The following MYO7A variants were observed in gnomAD, a reference collection of about 807,000 sequenced individuals.
MYO7A encodes myosin VIIA, also known as unconventional myosin-VIIa.
Under a neutral mutation model 263.8 loss-of-function variants are expected in MYO7A, and 210 were observed. The ratio of observed to expected loss-of-function variants is 0.80; its 90% CI spans 0.71 to 0.89. MYO7A has a LOEUF of 0.89. Among genes scored for constraint, MYO7A ranks in the 40% least tolerant of loss-of-function variants. The probability of loss-of-function intolerance (pLI) is 0.00; values close to 1 mark genes in which losing one functional copy is unlikely to be tolerated. For synonymous variants in MYO7A, 1,239 were observed against 1,197.3 expected (o/e 1.03, Z -0.72); for missense variants, 2,820 against 2,968.3 (o/e 0.95, Z 1.16).
rs1954887106 is a variant in MYO7A, at chr11:77,178,632, G to A, written c.2283-413G>A. Among the ~76,000 whole-genome samples the A allele has an allele frequency of 2.6e-5, 4 of 152,326 alleles. No homozygotes were observed. The South Asian group carries it at 6.2e-4, about 24-fold the overall frequency. ...TATAGAAGCAGCCTGCTGTGTGCAGGGGGAACAGCACTGGGCTCACTTAGG... is the reference window on the plus strand; with the variant it reads ...TATAGAAGCAGCCTGCTGTGTGCAGAGGGAACAGCACTGGGCTCACTTAGG... On this transcript the variant is annotated intron_variant, in intron 19 of 48. Coordinates refer to ENST00000409709, the MANE Select transcript of MYO7A (RefSeq NM_000260.4).
intron 14 of MYO7A, among the ~76,000 whole-genome samples, chr11:77,164,582 A>G (rs1953357971): frequency 6.6e-6 from 1 of 152,164 alleles, no homozygotes; most frequent in Non-Finnish European, 1.5e-5. Context: ...GTGAGATCCA[A>G]CCTTATTGTT....
intron 22 of MYO7A, 28 bp downstream of exon 22, chr11:77,180,509 G>C (rs368112212): frequency 3.8e-6 from 6 of 1,591,036 alleles, no homozygotes; most frequent in Non-Finnish European, 5.2e-6. Context: ...AGGCACCTTA[G>C]GTGTCCACTT....
intron 39 of MYO7A, 90 bp downstream of exon 39, chr11:77,204,319 C>A: frequency 6.7e-7 from 1 of 1,489,124 alleles, no homozygotes; most frequent in Non-Finnish European, 9.1e-7. Context: ...CTGGCTCTGC[C>A]TGGATGCAGT....
Position 77,177,545 on chromosome 11 carries a change from C to A in MYO7A, c.2188-4C>A. ...GGGCGCTGCTCAGGAGCTCTGCCTC[C>A]TAGGACCACCATGACATGCTGCTGG... On this transcript the variant is annotated splice_polypyrimidine_tract_variant and splice_region_variant and intron_variant, in intron 18 of 48. Coordinates refer to ENST00000409709, the MANE Select transcript of MYO7A (RefSeq NM_000260.4). 6.2e-7 allele frequency: 1 copy of A among 1,608,170 alleles called. No homozygotes were observed. Among genetic ancestry groups the A allele is most frequent in the Non-Finnish European group, 8.5e-7 (1 of 1,177,764 alleles).
chr11:77,203,267 C>A lies in MYO7A; in HGVS notation c.5326+50C>A, dbSNP rs772257973. 5 of 1,529,910 alleles carry A rather than the reference C, an allele frequency of 3.3e-6. No homozygotes were observed. The East Asian group carries it at 1.2e-4, about 38-fold the overall frequency. 94.8% of individuals were successfully genotyped at this position (1,529,910 alleles called of 1,614,324 possible). On this transcript the variant is annotated intron_variant, in intron 38 of 48. Transcript: ENST00000409709. Reference sequence around the variant, plus strand: ...CAGGGGAGCCAGGGACCGGGCAGGGCCTTCGTCTGCACACTGCCTTCCTCC... The same window carrying A: ...CAGGGGAGCCAGGGACCGGGCAGGGACTTCGTCTGCACACTGCCTTCCTCC...
At chr11:77,156,544 T>G in intron 5 of MYO7A, 116 bp from the exon 6 acceptor site, 25 of 1,435,554 alleles carry the variant, frequency 1.7e-5, no homozygotes, top group Non-Finnish European at 2.3e-5. Context: ...AGGGTCCGTA[T>G]TGTCAGCTGA....
rs1958059954 is a variant in MYO7A at position 77,215,085 on chromosome 11, C to T, written c.*389C>T. 1.4e-5 allele frequency: 3 copies of T among 215,538 alleles called. No homozygotes were observed. The highest frequency in any genetic ancestry group is 1.1e-4 in the Admixed American group (2 of 18,814). The allele number at this position is 215,538 out of a possible 1,614,324, so 13.4% of individuals were successfully genotyped here. A position where few individuals can be genotyped will look rare whatever the true frequency, so the allele number is the denominator to read the frequency against. ...ATCTAGCTCTCCATACTTTGAACAA[C>T]CAAATGTGCATTGAATACTCTGAAA... On this transcript the variant is annotated 3_prime_UTR_variant, in exon 49 of 49. Transcript: ENST00000409709.
intron 15 of MYO7A, among the ~76,000 whole-genome samples, chr11:77,172,118 C>A (rs145711470): frequency 6.6e-5 from 10 of 152,216 alleles, no homozygotes; most frequent in African/African-American, 2.4e-4. Context: ...CTCCTCCTCG[C>A]GCTTGCCCAC....
chr11:77,157,146 C>A, intron 7 of MYO7A, 133 bp from the exon 8 acceptor site: 1 of 1,412,470 alleles, frequency 7.1e-7, no homozygotes, highest in Non-Finnish European at 9.8e-7. Flanking sequence ...GCTGGAAATC[C>A]CACCATGAAA....
At chr11:77,181,350 C>T (rs747284660) in intron 22 of MYO7A, 30 bp from the exon 23 acceptor site, 136 of 1,533,304 alleles carry the variant, frequency 8.9e-5, no homozygotes, top group Middle Eastern at 2.1e-4. Flanking sequence ...GGGCTGACCC[C>T]GTGTCTTCTG....
chr11:77,159,613 A>C, intron 10 of MYO7A, 90 bp downstream of exon 10: 1 of 1,286,388 alleles, frequency 7.8e-7, no homozygotes, highest in Non-Finnish European at 1.1e-6. Flanking sequence ...TAGGAACCAC[A>C]TTGCTGGGAC....
chr11:77,186,783 T>C (rs958746861), intron 27 of MYO7A, among the ~76,000 whole-genome samples: 2 of 152,350 alleles, frequency 1.3e-5, no homozygotes, highest in South Asian at 2.1e-4. Context: ...AGTAGCATTT[T>C]TGATGTCCTT....
intron 15 of MYO7A, among the ~76,000 whole-genome samples, chr11:77,168,271 C>T (rs576638487): frequency 6.6e-6 from 1 of 152,344 alleles, no homozygotes; most frequent in South Asian, 2.1e-4. Flanking sequence ...ACTGAGAAAT[C>T]ATGGAGAGGT....
At chr11:77,141,352 T>C (rs74409489) in intron 2 of MYO7A, among the ~76,000 whole-genome samples, 2,190 of 152,256 alleles carry the variant, frequency 0.014, 49 homozygotes, top group African/African-American at 0.051. Context: ...CAAGGCCGGG[T>C]AGGGCCTGAA....
At chr11:77,163,035 C>G in intron 14 of MYO7A, 47 bp downstream of exon 14, 1 of 1,602,352 alleles carries the variant, frequency 6.2e-7, no homozygotes, top group Non-Finnish European at 8.5e-7. Context: ...CGTGGCCCTG[C>G]CTTCCCCTGC....
chr11:77,213,171 G>C (rs1325248335), intron 47 of MYO7A, 136 bp downstream of exon 47: 1 of 713,118 alleles, frequency 1.4e-6, no homozygotes, highest in Admixed American at 2.8e-5. Flanking sequence ...GGCTTCAAAA[G>C]CTGTCAGCGT....
chr11:77,204,713 TC>T (rs1256255459), intron 39 of MYO7A, among the ~76,000 whole-genome samples: 2 of 152,094 alleles, frequency 1.3e-5, no homozygotes, highest in African/African-American at 4.8e-5. Context: ...AGGCACAGGC[TC>T]CTCTCAGAGT....
chr11:77,197,441 G>A lies in MYO7A; in HGVS notation c.4324-40G>A, dbSNP rs780984234. 1.6e-4 allele frequency: 235 copies of A among 1,458,720 alleles called. 1 individual carries two copies. Among genetic ancestry groups the A allele is most frequent in the Non-Finnish European group, 2.1e-4 (221 of 1,066,628 alleles). The allele number at this position is 1,458,720 out of a possible 1,614,324, so 90.4% of individuals were successfully genotyped here. ...GCTGATTTTTAGAGCAAACTCACTC[G>A]TATGTTGTCTTCTGTCCCTCTGTCC... On this transcript the variant is annotated intron_variant, in intron 32 of 48. Transcript: ENST00000409709.
chr11:77,144,672 A>C (rs1951443330), intron 3 of MYO7A, among the ~76,000 whole-genome samples: 1 of 152,048 alleles, frequency 6.6e-6, no homozygotes, highest in Admixed American at 6.5e-5. Flanking sequence ...ACTCCTAGCA[A>C]CTTGAGAGCA....
Sources: gnomAD v4.1 joint callset for allele counts (sites outside exome capture counted in the v4.1 genomes callset) on GRCh38, gnomAD v4.1.1 for gene constraint, MANE v1.5 for transcripts, NCBI Gene and HGNC (gene_info 2026-07-23, HGNC 2026-07-21) for gene names.